The following FGF12 variants were observed in gnomAD, a reference collection of about 807,000 sequenced individuals.
FGF12 encodes fibroblast growth factor 12B.
A neutral mutation model predicts 23.6 loss-of-function variants in FGF12; 14 were observed. That is an observed-to-expected ratio of 0.59 (90% CI 0.39 to 0.93). The LOEUF is 0.93. FGF12 is among the 40% of genes least tolerant of loss of function. FGF12 has a pLI of 0.00. For synonymous variants in FGF12, 62 were observed against 77.3 expected, an observed-to-expected ratio of 0.80 and a Z score of 1.04; for missense variants, 175 against 217.8, an observed-to-expected ratio of 0.80 and a Z score of 1.24.
chr3:192,567,103 C>A (rs1004601891), intron 2 of FGF12, among the ~76,000 whole-genome samples: 1 of 152,144 alleles, frequency 6.6e-6, no homozygotes, highest in African/African-American at 2.4e-5. Context: ...GGAAAAGGAT[C>A]ATGCTTTGTG....
At chr3:192,311,106 G>A (rs76093651) in intron 4 of FGF12, among the ~76,000 whole-genome samples, 2 of 152,014 alleles carry the variant, frequency 1.3e-5, no homozygotes, top group Admixed American at 1.3e-4. Context: ...TTTAGCTTTT[G>A]TTTGGACAAA....
chr3:192,628,724 TACATATATAC>T (rs1403570043), intron 2 of FGF12, among the ~76,000 whole-genome samples: 4 of 149,808 alleles, frequency 2.7e-5, no homozygotes, highest in African/African-American at 4.9e-5. Context: ...TATACATAAA[TACATATATAC>T]ACATATATAC....
chr3:192,611,593 C>A lies in FGF12; in HGVS notation c.13+115588G>T, dbSNP rs1466064538. Among the ~76,000 whole-genome samples the A allele has an allele frequency of 2.6e-5, 4 of 151,968 alleles. No homozygotes were observed. The East Asian group carries it at 7.8e-4, about 29-fold the overall frequency. On this transcript the variant is annotated intron_variant, in intron 2 of 5. Transcript: ENST00000445105. ...GAACACAGCTTCATAATAGAATTGC[C>A]CAAGAAACTCAAAACCAAACCACTG...
intron 2 of FGF12, among the ~76,000 whole-genome samples, chr3:192,391,405 T>G (rs1247785512): frequency 3.3e-5 from 5 of 152,176 alleles, no homozygotes; most frequent in Admixed American, 6.5e-5. Context: ...CGTTAAAAAA[T>G]AATAAAATCC....
intron 5 of FGF12, among the ~76,000 whole-genome samples, chr3:192,165,030 CA>C (rs1715084340): frequency 6.6e-6 from 1 of 152,030 alleles, no homozygotes; most frequent in African/African-American, 2.4e-5. Flanking sequence ...CAGCTCCTGG[CA>C]AACTCCGACT....
chr3:192,429,353 C>G (rs1721783611), intron 2 of FGF12, among the ~76,000 whole-genome samples: 2 of 152,128 alleles, frequency 1.3e-5, no homozygotes, highest in Admixed American at 1.3e-4. Flanking sequence ...GTCCTCTATA[C>G]TGCAGTATTT....
At chr3:192,230,224 T>C (rs751237276) in intron 4 of FGF12, among the ~76,000 whole-genome samples, 3 of 152,180 alleles carry the variant, frequency 2.0e-5, no homozygotes, top group Non-Finnish European at 4.4e-5. Flanking sequence ...TCATTCAATA[T>C]TAAAAATGTT....
At chr3:192,246,589 C>A (rs999187313) in intron 4 of FGF12, among the ~76,000 whole-genome samples, 8 of 151,808 alleles carry the variant, frequency 5.3e-5, no homozygotes, top group Admixed American at 3.3e-4. Context: ...TTTGGGAGAC[C>A]GAGGTGGGTG....
chr3:192,559,590 A>G (rs187367346), intron 2 of FGF12, among the ~76,000 whole-genome samples: 1 of 152,200 alleles, frequency 6.6e-6, no homozygotes. Flanking sequence ...TCATATGTAT[A>G]CATATGTAAC....
At chr3:192,167,772 A>ATATATTTT (rs1715302128) in intron 5 of FGF12, among the ~76,000 whole-genome samples, 8 of 15,394 alleles carry the variant, frequency 5.2e-4, no homozygotes, top group African/African-American at 1.1e-3. Context: ...TATATATAAA[A>ATATATTTT]TTTTTTTTTT....
At chr3:192,500,901 T>C (rs1418056130) in intron 2 of FGF12, among the ~76,000 whole-genome samples, 1 of 152,114 alleles carries the variant, frequency 6.6e-6, no homozygotes, top group Non-Finnish European at 1.5e-5. Context: ...TTGTTCAAGA[T>C]CGCATAAGTG....
At chr3:192,423,506 A>G (rs981857334) in intron 2 of FGF12, among the ~76,000 whole-genome samples, 1 of 152,212 alleles carries the variant, frequency 6.6e-6, no homozygotes, top group Non-Finnish European at 1.5e-5. Flanking sequence ...CATTTCCAAA[A>G]TGAATACAAC....
At chr3:192,596,239 T>G (rs1387241106) in intron 2 of FGF12, among the ~76,000 whole-genome samples, 1 of 151,646 alleles carries the variant, frequency 6.6e-6, no homozygotes, top group Non-Finnish European at 1.5e-5. Flanking sequence ...TTGAAAACAA[T>G]GAGTAATTTT....
intron 2 of FGF12, among the ~76,000 whole-genome samples, chr3:192,428,725 T>C (rs1445826242): frequency 6.6e-6 from 1 of 152,140 alleles, no homozygotes; most frequent in African/African-American, 2.4e-5. Flanking sequence ...AACCTGTATA[T>C]TTTACAAACT....
At chr3:192,289,634 A>G (rs13095833) in intron 4 of FGF12, among the ~76,000 whole-genome samples, 2 of 152,154 alleles carry the variant, frequency 1.3e-5, no homozygotes, top group African/African-American at 4.8e-5. Context: ...TATCGACTGC[A>G]TCTCTTATTT....
At chr3:192,529,139 G>T (rs78693869) in intron 2 of FGF12, among the ~76,000 whole-genome samples, 1 of 151,942 alleles carries the variant, frequency 6.6e-6, no homozygotes, top group African/African-American at 2.4e-5. Flanking sequence ...CAACTTTTAC[G>T]CTCTCTTTCA....
chr3:192,515,930 T>C (rs954496869), intron 2 of FGF12, among the ~76,000 whole-genome samples: 2 of 151,486 alleles, frequency 1.3e-5, no homozygotes, highest in African/African-American at 4.8e-5. Flanking sequence ...GACGTAACCC[T>C]ATGTGGAATC....
chr3:192,242,486 C>T (rs1318204174), intron 4 of FGF12, among the ~76,000 whole-genome samples: 1 of 151,710 alleles, frequency 6.6e-6, no homozygotes, highest in East Asian at 1.9e-4. Context: ...GTAGCCCAGT[C>T]AAAAAGGAAA....
Position 192,673,827 on chromosome 3 carries a change from G to C in FGF12, c.13+53354C>G, listed in dbSNP as rs148842279. 4.0e-5 allele frequency among the ~76,000 whole-genome samples: 6 copies of C among 151,040 alleles called. 1 individual carries two copies. The highest frequency in any genetic ancestry group is 7.4e-5 in the Non-Finnish European group (5 of 67,468). On this transcript the variant is annotated intron_variant, in intron 2 of 5. Coordinates refer to ENST00000445105, the MANE Select transcript of FGF12 (RefSeq NM_004113.6). ...GGGTTTGTTCCAAGACTTTATTATT[G>C]TGAATAGTGCTGCATTAAGCATACA...
Sources: gnomAD v4.1 joint callset for allele counts (sites outside exome capture counted in the v4.1 genomes callset) on GRCh38, gnomAD v4.1.1 for gene constraint, MANE v1.5 for transcripts, NCBI Gene and HGNC (gene_info 2026-07-23, HGNC 2026-07-21) for gene names.